SLAIN2: variants seen among roughly 807,000 people sequenced by gnomAD.
SLAIN2 encodes the protein SLAIN family member 2.
In SLAIN2, 31 loss-of-function variants were observed where a neutral mutation model predicts 56.6. That is an observed-to-expected ratio of 0.55 (90% CI 0.41 to 0.74). The LOEUF (loss-of-function observed/expected upper bound fraction) is 0.74, where lower values mean the gene tolerates loss of function less well. Among genes scored for constraint, SLAIN2 ranks in the 30% least tolerant of loss-of-function variants. SLAIN2 has a pLI of 0.00. For missense variants in SLAIN2, 777 were observed against 754.2 expected (o/e 1.03, Z -0.35); for synonymous variants, 317 against 284.9 (o/e 1.11, Z -1.13).
In SLAIN2 at chr4:48,382,698, G is replaced by A. The variant is rs1439145358; in HGVS notation, c.993G>A (p.Met331Ile). The A allele has an allele frequency of 1.9e-6, 3 of 1,613,592 alleles. No individual in the cohort carries two copies. The highest frequency in any genetic ancestry group is 4.5e-5 in the East Asian group (2 of 44,854). ...AQSLDDEDDN[M>I]HHAVYPAVNR... Reference sequence around the variant, plus strand: ...GTTTAGATGATGAAGATGACAATATGCATCATGCAGTATACCCTGCTGTTA... The same window carrying A: ...GTTTAGATGATGAAGATGACAATATACATCATGCAGTATACCCTGCTGTTA... Residue 331 changes from methionine to isoleucine, a missense_variant, in exon 5 of 8, where the codon ATG (methionine) becomes ATA (isoleucine). By Grantham distance (10) the Met-to-Ile change is conservative (BLOSUM62 1). Coordinates refer to ENST00000264313, the MANE Select transcript of SLAIN2 (RefSeq NM_020846.2).
chr4:48,414,008 C>T (rs547307843), intron 6 of SLAIN2, among the ~76,000 whole-genome samples: 1 of 152,026 alleles, frequency 6.6e-6, no homozygotes, highest in Non-Finnish European at 1.5e-5. Flanking sequence ...TTATTAAATA[C>T]TTATTAAAAG....
chr4:48,391,256 A>G (rs1360623171), intron 6 of SLAIN2, among the ~76,000 whole-genome samples: 3 of 152,306 alleles, frequency 2.0e-5, no homozygotes, highest in South Asian at 4.1e-4. Flanking sequence ...GATTGCTACC[A>G]ACTTTCTCTT....
intron 2 of SLAIN2, among the ~76,000 whole-genome samples, chr4:48,370,517 A>C (rs1304652849): frequency 6.6e-6 from 1 of 152,242 alleles, no homozygotes; most frequent in Non-Finnish European, 1.5e-5. Context: ...AGAGCCTAGC[A>C]TGTTTTCTGG....
intron 1 of SLAIN2, among the ~76,000 whole-genome samples, chr4:48,359,032 A>C (rs927155093): frequency 6.6e-6 from 1 of 152,244 alleles, no homozygotes; most frequent in Admixed American, 6.5e-5. Flanking sequence ...AAAGATAATA[A>C]GATAAACTTT....
chr4:48,406,100 A>G (rs1716686769), intron 6 of SLAIN2, among the ~76,000 whole-genome samples: 1 of 152,174 alleles, frequency 6.6e-6, no homozygotes, highest in South Asian at 2.1e-4. Context: ...CTGGTATGAC[A>G]AGATTGGCTG....
At position 48,424,137 on chromosome 4, in the gene SLAIN2, AT is replaced by A. The variant is rs1382136144; in HGVS notation, c.*2061del. On this transcript the variant is annotated 3_prime_UTR_variant, in exon 8 of 8. Transcript: ENST00000264313. Reference sequence around the variant, plus strand: ...TTTTAAATGGCTGCATCAGAAAAAAATGTCTATTTTTTTTTATTAAAATATT... The same window carrying A: ...TTTTAAATGGCTGCATCAGAAAAAAAGTCTATTTTTTTTTATTAAAATATT... 2 of 152,150 alleles carry A rather than the reference AT, an allele frequency of 1.3e-5. No individual in the cohort carries two copies. Among genetic ancestry groups the A allele is most frequent in the Non-Finnish European group, 2.9e-5 (2 of 68,022 alleles). The allele number at this position is 152,150 out of a possible 1,614,324, so 9.4% of individuals were successfully genotyped here. A position where few individuals can be genotyped will look rare whatever the true frequency, so the allele number is the denominator to read the frequency against.
intron 6 of SLAIN2, among the ~76,000 whole-genome samples, chr4:48,384,995 T>G (rs921266711): frequency 6.6e-6 from 1 of 152,136 alleles, no homozygotes; most frequent in African/African-American, 2.4e-5. Context: ...GATATAGAAC[T>G]TCATTTTTAA....
chr4:48,373,060 C>A (rs1715711931), intron 2 of SLAIN2, among the ~76,000 whole-genome samples: 1 of 151,936 alleles, frequency 6.6e-6, no homozygotes, highest in Admixed American at 6.6e-5. Flanking sequence ...TCTTTTTAAC[C>A]CTCATTTACC....
At chr4:48,357,707 C>T (rs769020645) in intron 1 of SLAIN2, among the ~76,000 whole-genome samples, 44 of 152,172 alleles carry the variant, frequency 2.9e-4, no homozygotes, top group Admixed American at 9.2e-4. Flanking sequence ...AGGCATGCAC[C>T]ACCACGCCCG....
At chr4:48,385,696 C>T (rs1716081891) in intron 6 of SLAIN2, among the ~76,000 whole-genome samples, 1 of 150,382 alleles carries the variant, frequency 6.6e-6, no homozygotes, top group Non-Finnish European at 1.5e-5. Context: ...TGCAGTGGCA[C>T]AATCATGGCT....
chr4:48,357,157 G>C (rs1577710962), intron 1 of SLAIN2, among the ~76,000 whole-genome samples: 2 of 151,324 alleles, frequency 1.3e-5, no homozygotes, highest in East Asian at 3.9e-4. Flanking sequence ...ATATCTTTTA[G>C]TTAGCTGATG....
intron 1 of SLAIN2, among the ~76,000 whole-genome samples, chr4:48,363,929 C>T (rs1210706404): frequency 1.6e-5 from 2 of 126,668 alleles, no homozygotes; most frequent in Non-Finnish European, 3.7e-5. Context: ...GGGGGCTGAC[C>T]CCCCCACCTC....
At chr4:48,342,579 C>T (rs1270905905) in intron 1 of SLAIN2, among the ~76,000 whole-genome samples, 1 of 152,066 alleles carries the variant, frequency 6.6e-6, no homozygotes, top group South Asian at 2.1e-4. Flanking sequence ...CCAGAGTCGT[C>T]TACGTCTATG....
In SLAIN2 at chr4:48,398,708, C is replaced by A. The variant is rs187711185; in HGVS notation, c.1360+14924C>A. ...GAAGGGGTCTAGTTTCAATTTTCTG[C>A]ATATGGCTAGCCTGTTCTCCTAGCA... On this transcript the variant is annotated intron_variant, in intron 6 of 7. Transcript: ENST00000264313. Among the ~76,000 whole-genome samples the A allele has an allele frequency of 3.8e-4, 58 of 152,250 alleles. No individual in the cohort carries two copies. In the East Asian group the frequency reaches 0.011, roughly 28 times the overall value.
At chr4:48,412,403 CACACACACACACA>C (rs1560465838) in intron 6 of SLAIN2, among the ~76,000 whole-genome samples, 1 of 55,368 alleles carries the variant, frequency 1.8e-5, no homozygotes, top group Non-Finnish European at 4.4e-5. Context: ...CACACACACA[CACACACACACACA>C]TTCCCTCTCT....
intron 6 of SLAIN2, among the ~76,000 whole-genome samples, chr4:48,419,109 CTT>C (rs71191227): frequency 1.4e-5 from 2 of 147,166 alleles, no homozygotes. Flanking sequence ...TTCTGTTTTC[CTT>C]TTTTTTTTTG....
At chr4:48,383,052 T>TA (rs1716011545) in intron 5 of SLAIN2, 125 bp downstream of exon 5, 2 of 1,013,448 alleles carry the variant, frequency 2.0e-6, no homozygotes, top group East Asian at 5.3e-5. Flanking sequence ...TCTATAGTCC[T>TA]AGTGACTTGA....
chr4:48,398,876 T>C (rs116841939), intron 6 of SLAIN2, among the ~76,000 whole-genome samples: 1,942 of 152,288 alleles, frequency 0.013, 11 homozygotes, highest in East Asian at 0.029. Flanking sequence ...GTACCAGTAC[T>C]ATGCCGTTTT....
intron 6 of SLAIN2, among the ~76,000 whole-genome samples, chr4:48,405,350 C>T (rs1716665830): frequency 6.6e-6 from 1 of 152,118 alleles, no homozygotes; most frequent in Admixed American, 6.5e-5. Context: ...AGTTTTGAAA[C>T]TAGTTTTGCC....
Sources: allele counts gnomAD v4.1 joint callset (sites outside exome capture counted in the v4.1 genomes callset), GRCh38; gene constraint gnomAD v4.1.1; transcripts MANE v1.5; gene names NCBI Gene and HGNC (gene_info 2026-07-23, HGNC 2026-07-21).